The following OSTM1 variants were observed in gnomAD, a reference collection of about 807,000 sequenced individuals.
OSTM1 encodes osteopetrosis-associated transmembrane protein 1.
Under a neutral mutation model 35.4 loss-of-function variants are expected in OSTM1, and 26 were observed. The ratio of observed to expected loss-of-function variants is 0.73; its 90% confidence interval spans 0.54 to 1.02. The LOEUF (loss-of-function observed/expected upper bound fraction) is 1.02. OSTM1 is among the 50% of genes least tolerant of loss of function. The pLI is 0.00. For missense variants in OSTM1, 366 were observed against 409.6 expected (o/e 0.89, Z 0.92); for synonymous variants, 181 against 165.0 (o/e 1.10, Z -0.75).
intron 1 of OSTM1, among the ~76,000 whole-genome samples, chr6:108,065,877 T>C (rs1302510861): frequency 6.6e-6 from 1 of 152,236 alleles, no homozygotes; most frequent in African/African-American, 2.4e-5. Context: ...TGTATGAGTG[T>C]TCAATGTGTG....
intron 2 of OSTM1, among the ~76,000 whole-genome samples, chr6:108,061,527 A>T (rs995427925): frequency 6.6e-6 from 1 of 150,822 alleles, no homozygotes; most frequent in African/African-American, 2.4e-5. Context: ...AATGATGTTT[A>T]AAAAACCTTT....
chr6:108,055,971 G>A (rs962103564), intron 2 of OSTM1, among the ~76,000 whole-genome samples: 10 of 152,136 alleles, frequency 6.6e-5, no homozygotes, highest in South Asian at 2.1e-4. Context: ...AACTGGAAGT[G>A]GAAAGACAAC....
At chr6:108,053,587 T>C (rs559275423) in intron 3 of OSTM1, among the ~76,000 whole-genome samples, 26 of 152,326 alleles carry the variant, frequency 1.7e-4, no homozygotes, top group Middle Eastern at 3.4e-3. Flanking sequence ...CTCAACTCAC[T>C]GCAACCTCTA....
chr6:108,060,164 A>G (rs113293035), intron 2 of OSTM1, among the ~76,000 whole-genome samples: 1 of 152,132 alleles, frequency 6.6e-6, no homozygotes, highest in African/African-American at 2.4e-5. Context: ...CTGAGACCAT[A>G]TGTCTGGGCC....
intron 1 of OSTM1, among the ~76,000 whole-genome samples, chr6:108,072,432 G>A (rs529527839): frequency 2.7e-4 from 41 of 152,086 alleles, no homozygotes; most frequent in African/African-American, 9.4e-4. Context: ...CCAGGAGTTC[G>A]AGAACAGCCT....
chr6:108,074,682 C>A lies in OSTM1; in HGVS notation c.-31G>T, dbSNP rs772078352. On this transcript the variant is annotated 5_prime_UTR_variant, in exon 1 of 6. Coordinates refer to ENST00000193322, the MANE Select transcript of OSTM1 (RefSeq NM_014028.4). The stretch of plus-strand genomic sequence containing the variant: ...GGCTCACACACCCCAGGGAGCCCAC[C>A]GCCGCCTCTCCGCCCCCAGCCGGCA... 1.8e-5 allele frequency: 27 copies of A among 1,506,138 alleles called. No homozygotes were observed. The South Asian group carries it at 3.1e-4, about 17-fold the overall frequency. 93.3% of individuals were successfully genotyped at this position (1,506,138 alleles called of 1,614,324 possible). A position where few individuals can be genotyped will look rare whatever the true frequency, so the allele number is the denominator to read the frequency against.
intron 3 of OSTM1, 76 bp downstream of exon 3, chr6:108,054,414 C>T: frequency 3.1e-6 from 2 of 654,694 alleles, no homozygotes; most frequent in East Asian, 2.9e-5. Flanking sequence ...ATAATTAGTG[C>T]TCTAAAAACT....
At chr6:108,047,849 C>T (rs1255610693) in intron 5 of OSTM1, among the ~76,000 whole-genome samples, 1 of 152,162 alleles carries the variant, frequency 6.6e-6, no homozygotes, top group Non-Finnish European at 1.5e-5. Context: ...AAATCCTGAT[C>T]AGAAGCAGTA....
chr6:108,049,364 T>C lies in OSTM1; in HGVS notation c.838A>G (p.Ser280Gly), dbSNP rs1275766884. ...SRTFNCSVPCSDTVPVIAVSV... is the reference protein window; with the variant it reads ...SRTFNCSVPCGDTVPVIAVSV... The stretch of plus-strand genomic sequence containing the variant: ...ACAGCAATTACAGGCACTGTGTCAC[T>C]GCAAGGGACTGAACAGTTGAAAGTT... Residue 280 changes from serine (S) to glycine (G), a missense_variant, in exon 5 of 6, where the codon AGT (serine) becomes GGT (glycine). Coordinates refer to ENST00000193322, the MANE Select transcript of OSTM1 (RefSeq NM_014028.4). The C allele has an allele frequency of 3.1e-6, 5 of 1,613,726 alleles. No homozygotes were observed. In the East Asian group the frequency reaches 8.9e-5, roughly 29 times the overall value.
chr6:108,041,439 G>A lies in OSTM1; in HGVS notation c.*3346C>T, dbSNP rs989687584. On this transcript the variant is annotated 3_prime_UTR_variant, in exon 6 of 6. Transcript: ENST00000193322. ...TTTTAAAAGCCCTCTTTAATTCCAA[G>A]GAGATAAAGAAAGTTATTTGTCATT... The A allele has an allele frequency of 2.0e-5, 3 of 152,100 alleles. No homozygotes were observed. Among genetic ancestry groups the A allele is most frequent in the African/African-American group, 7.2e-5 (3 of 41,408 alleles). The allele number at this position is 152,100 out of a possible 1,614,324, so 9.4% of individuals were successfully genotyped here.
intron 5 of OSTM1, among the ~76,000 whole-genome samples, chr6:108,046,816 G>T (rs1280965917): frequency 6.6e-6 from 1 of 152,188 alleles, no homozygotes; most frequent in East Asian, 1.9e-4. Flanking sequence ...TCAATAGTTT[G>T]GGTTTTTGAG....
At chr6:108,069,309 A>G (rs1772441349) in intron 1 of OSTM1, among the ~76,000 whole-genome samples, 1 of 152,232 alleles carries the variant, frequency 6.6e-6, no homozygotes. Flanking sequence ...CAGAAGAAAT[A>G]TTACATTTTC....
chr6:108,057,244 G>A (rs1418561057), intron 2 of OSTM1, among the ~76,000 whole-genome samples: 1 of 152,150 alleles, frequency 6.6e-6, no homozygotes, highest in Non-Finnish European at 1.5e-5. Context: ...CCCTCTTAAT[G>A]CTAGTTTAAT....
intron 2 of OSTM1, among the ~76,000 whole-genome samples, chr6:108,056,366 C>CA (rs1338078083): frequency 6.6e-6 from 1 of 152,200 alleles, no homozygotes; most frequent in Non-Finnish European, 1.5e-5. Context: ...CCTGCACTCT[C>CA]AAACACTGCA....
At chr6:108,066,776 A>G (rs1443017100) in intron 1 of OSTM1, among the ~76,000 whole-genome samples, 1 of 152,002 alleles carries the variant, frequency 6.6e-6, no homozygotes, top group Non-Finnish European at 1.5e-5. Context: ...CCCATGCGTC[A>G]TTACCCTGAT....
chr6:108,068,861 C>G (rs1358711303), intron 1 of OSTM1, among the ~76,000 whole-genome samples: 2 of 152,200 alleles, frequency 1.3e-5, no homozygotes, highest in Non-Finnish European at 2.9e-5. Context: ...ACATACCCTA[C>G]AAGGCCCACA....
At chr6:108,069,691 A>T (rs1772448599) in intron 1 of OSTM1, among the ~76,000 whole-genome samples, 1 of 152,214 alleles carries the variant, frequency 6.6e-6, no homozygotes. Flanking sequence ...GTATGACTCT[A>T]AGGAAGAGGG....
intron 2 of OSTM1, among the ~76,000 whole-genome samples, chr6:108,057,157 A>T (rs60615147): frequency 0.098 from 14,878 of 152,056 alleles, 1,320 homozygotes; most frequent in Admixed American, 0.21. Context: ...CAGCTTGGGG[A>T]GGTCGAGGCT....
At chr6:108,046,862 C>A (rs186496066) in intron 5 of OSTM1, among the ~76,000 whole-genome samples, 1 of 142,754 alleles carries the variant, frequency 7.0e-6, no homozygotes, top group Admixed American at 7.1e-5. Context: ...AGTGATCTAG[C>A]TTCTGACAAA....
Sources: allele counts gnomAD v4.1 joint callset (sites outside exome capture counted in the v4.1 genomes callset), GRCh38; gene constraint gnomAD v4.1.1; transcripts MANE v1.5; gene names NCBI Gene and HGNC (gene_info 2026-07-23, HGNC 2026-07-21).